GRIP1: variants seen among roughly 807,000 people sequenced by gnomAD.
The protein encoded by GRIP1 is glutamate receptor interacting protein 1, also known as glutamate receptor-interacting protein 1.
In GRIP1, 45 loss-of-function variants were observed where a neutral mutation model predicts 129.9. The ratio of observed to expected loss-of-function variants is 0.35; its 90% CI spans 0.27 to 0.44. GRIP1 has a LOEUF of 0.44. Among genes scored for constraint, GRIP1 ranks in the 20% least tolerant of loss-of-function variants. The pLI is 1.00. For synonymous variants in GRIP1, 530 were observed against 520.8 expected, an observed-to-expected ratio of 1.02 and a Z score of -0.24; for missense variants, 1,196 against 1,396.8, an observed-to-expected ratio of 0.86 and a Z score of 2.29.
At chr12:66,367,905 G>C (rs1026957582) in intron 23 of GRIP1, among the ~76,000 whole-genome samples, 4 of 152,152 alleles carry the variant, frequency 2.6e-5, no homozygotes, top group African/African-American at 9.7e-5. Flanking sequence ...TCTACAAAGA[G>C]GATATAAGAC....
intron 19 of GRIP1, among the ~76,000 whole-genome samples, chr12:66,388,632 A>G (rs2088170): frequency 0.43 from 65,381 of 152,120 alleles, 14,391 homozygotes; most frequent in East Asian, 0.54. Flanking sequence ...GACAATGGGG[A>G]GTGAAAGAAG....
chr12:67,010,372 A>G (rs1320163979), intron 1 of GRIP1, among the ~76,000 whole-genome samples: 3 of 152,184 alleles, frequency 2.0e-5, no homozygotes, highest in East Asian at 3.8e-4. Flanking sequence ...CTGAGTTAAC[A>G]GTATTATATA....
intron 2 of GRIP1, among the ~76,000 whole-genome samples, chr12:66,578,652 T>C (rs1033412594): frequency 4.6e-5 from 7 of 152,182 alleles, no homozygotes; most frequent in Non-Finnish European, 1.0e-4. Flanking sequence ...GTCTCGCTGA[T>C]TGCTAGCACA....
rs1565666323 is a variant in GRIP1 at position 66,363,199 on chromosome 12, C to CTATA, written c.3012+8494_3012+8495insTATA. 5.9e-3 allele frequency among the ~76,000 whole-genome samples: 208 copies of CTATA among 35,338 alleles called. 11 individuals are homozygous for CTATA. The South Asian group carries it at 0.11, about 19-fold the overall frequency. The allele number at this position is 35,338 out of a possible 152,430, so 23.2% of individuals were successfully genotyped here. A position where few individuals can be genotyped will look rare whatever the true frequency, so the allele number is the denominator to read the frequency against. On this transcript the variant is annotated intron_variant, in intron 23 of 24. Transcript: ENST00000359742. ...TATATGTATATATGTGTGTGTGTGT[C>CTATA]CATATATATATATATATATATATAT...
intron 1 of GRIP1, among the ~76,000 whole-genome samples, chr12:67,053,845 A>G (rs948253454): frequency 1.3e-5 from 2 of 152,034 alleles, no homozygotes; most frequent in African/African-American, 4.8e-5. Context: ...CTCAAAAAAA[A>G]AAAAATAAAT....
At chr12:66,574,649 A>T (rs2063076963) in intron 2 of GRIP1, among the ~76,000 whole-genome samples, 1 of 152,218 alleles carries the variant, frequency 6.6e-6, no homozygotes, top group South Asian at 2.1e-4. Flanking sequence ...ACAATATTTC[A>T]TTAACATCTT....
intron 17 of GRIP1, among the ~76,000 whole-genome samples, chr12:66,393,120 T>G (rs2056653680): frequency 6.6e-6 from 1 of 151,826 alleles, no homozygotes; most frequent in Non-Finnish European, 1.5e-5. Context: ...ATGAACAATG[T>G]TGAATGACAA....
At chr12:66,970,913 G>T (rs890652400) in intron 1 of GRIP1, among the ~76,000 whole-genome samples, 1 of 152,098 alleles carries the variant, frequency 6.6e-6, no homozygotes, top group Non-Finnish European at 1.5e-5. Flanking sequence ...CTTTATCATA[G>T]AGAACATTCT....
chr12:66,393,169 ATTTTTTTT>A (rs60982107), intron 17 of GRIP1, among the ~76,000 whole-genome samples: 8 of 78,882 alleles, frequency 1.0e-4, no homozygotes, highest in Middle Eastern at 0.016. Flanking sequence ...CTTTCTACAG[ATTTTTTTT>A]TTTTTTTTTT....
chr12:66,774,244 G>T (rs2037910032), intron 1 of GRIP1, among the ~76,000 whole-genome samples: 1 of 152,106 alleles, frequency 6.6e-6, no homozygotes, highest in Non-Finnish European at 1.5e-5. Context: ...ATCATTAACA[G>T]GCTCACTCCA....
chr12:66,615,689 C>A (rs2065010050), intron 1 of GRIP1, among the ~76,000 whole-genome samples: 1 of 152,178 alleles, frequency 6.6e-6, no homozygotes, highest in Non-Finnish European at 1.5e-5. Flanking sequence ...GTCACCCACA[C>A]TGGAGTATGC....
At chr12:66,572,576 T>C (rs1421401152) in intron 2 of GRIP1, among the ~76,000 whole-genome samples, 3 of 152,160 alleles carry the variant, frequency 2.0e-5, no homozygotes, top group East Asian at 1.9e-4. Flanking sequence ...AAAGTAGTAA[T>C]GAACTCAGGA....
At chr12:66,655,812 C>T (rs547541784) in intron 1 of GRIP1, among the ~76,000 whole-genome samples, 3 of 152,024 alleles carry the variant, frequency 2.0e-5, no homozygotes, top group East Asian at 1.9e-4. Context: ...GGGGTTTCAC[C>T]GTGGTCTTGA....
At chr12:67,060,382 G>A (rs2043511477) in intron 1 of GRIP1, among the ~76,000 whole-genome samples, 1 of 152,168 alleles carries the variant, frequency 6.6e-6, no homozygotes. Flanking sequence ...AATCAATGTT[G>A]TTAATTTGCA....
chr12:66,418,332 A>T lies in GRIP1; in HGVS notation c.1838+2388T>A, dbSNP rs373803844. Among the ~76,000 whole-genome samples, 6 of 152,324 alleles carry T rather than the reference A, an allele frequency of 3.9e-5. No individual in the cohort carries two copies. The East Asian group carries it at 9.6e-4, about 24-fold the overall frequency. On this transcript the variant is annotated intron_variant, in intron 15 of 24. Transcript: ENST00000359742. ...TAAATCTAAGACTTCAAACTATGACACTACCACAAGAAAACATTGGGGAAA... is the reference window on the plus strand; with the variant it reads ...TAAATCTAAGACTTCAAACTATGACTCTACCACAAGAAAACATTGGGGAAA...
chr12:67,019,765 T>C (rs958335402), intron 1 of GRIP1, among the ~76,000 whole-genome samples: 3 of 152,046 alleles, frequency 2.0e-5, no homozygotes, highest in Non-Finnish European at 4.4e-5. Flanking sequence ...AATCCATATA[T>C]GTAATTACTA....
chr12:66,974,791 G>A (rs1216781211), intron 1 of GRIP1, among the ~76,000 whole-genome samples: 1 of 152,144 alleles, frequency 6.6e-6, no homozygotes, highest in Admixed American at 6.5e-5. Context: ...TATATTAAGT[G>A]CCTAATTAAG....
chr12:66,372,008 CCTT>C, intron 22 of GRIP1, 81 bp from the exon 23 acceptor site: 1 of 912,758 alleles, frequency 1.1e-6, no homozygotes, highest in South Asian at 1.3e-5. Flanking sequence ...GCACATTTCT[CCTT>C]CTGCGAGGTA....
At chr12:66,384,157 G>A (rs1456325326) in intron 19 of GRIP1, among the ~76,000 whole-genome samples, 1 of 152,180 alleles carries the variant, frequency 6.6e-6, no homozygotes, top group Admixed American at 6.5e-5. Flanking sequence ...AACCAGTTCA[G>A]TTATGGTTTG....
Sources: gnomAD v4.1 joint callset for allele counts (sites outside exome capture counted in the v4.1 genomes callset) on GRCh38, gnomAD v4.1.1 for gene constraint, MANE v1.5 for transcripts, NCBI Gene and HGNC (gene_info 2026-07-23, HGNC 2026-07-21) for gene names.